Variants in NUP210L observed in about 807,000 individuals in gnomAD.
NUP210L encodes nuclear pore membrane glycoprotein 210-like.
A neutral mutation model predicts 208.5 loss-of-function variants in NUP210L; 74 were observed. That is an observed-to-expected ratio of 0.35 (90% confidence interval 0.29 to 0.43). NUP210L has a LOEUF of 0.43. NUP210L is among the 20% of genes least tolerant of loss of function. The pLI, the probability that NUP210L is intolerant of heterozygous loss-of-function variation, is 1.00. For synonymous variants in NUP210L, 780 were observed against 816.9 expected, an observed-to-expected ratio of 0.95 and a Z score of 0.77; for missense variants, 1,843 against 2,289.4, an observed-to-expected ratio of 0.81 and a Z score of 3.98.
At chr1:154,041,735 G>T (rs1652891445) in intron 27 of NUP210L, among the ~76,000 whole-genome samples, 1 of 152,118 alleles carries the variant, frequency 6.6e-6, no homozygotes. Flanking sequence ...GGATAGCGAG[G>T]ATTAGAACTT....
At chr1:154,016,982 A>G (rs1365926435) in intron 33 of NUP210L, among the ~76,000 whole-genome samples, 1 of 151,730 alleles carries the variant, frequency 6.6e-6, no homozygotes, top group Admixed American at 6.6e-5. Context: ...AAACAAAAAA[A>G]CACGCACAAA....
intron 24 of NUP210L, 53 bp downstream of exon 24, chr1:154,054,717 A>G: frequency 8.2e-7 from 1 of 1,220,470 alleles, no homozygotes; most frequent in South Asian, 1.2e-5. Flanking sequence ...TGTGAGAGAG[A>G]GAGAGAGGTA....
exon 32 of NUP210L, chr1:154,022,243 G>A: frequency 1.2e-6 from 2 of 1,614,122 alleles, no homozygotes; most frequent in Middle Eastern, 1.6e-4. Context: ...ATGCCTGGAT[G>A]TCTCCGGTCC....
intron 10 of NUP210L, among the ~76,000 whole-genome samples, chr1:154,126,000 C>G (rs971192886): frequency 3.1e-4 from 47 of 150,848 alleles, no homozygotes; most frequent in African/African-American, 9.5e-4. Context: ...GATCTCCTGA[C>G]CTCGTGATCC....
chr1:154,040,735 C>T (rs1446651936), intron 27 of NUP210L, among the ~76,000 whole-genome samples: 4 of 151,638 alleles, frequency 2.6e-5, no homozygotes, highest in Admixed American at 6.6e-5. Context: ...TACAGGCGCC[C>T]GCCACCATTC....
At chr1:154,058,130 C>T in exon 22 of NUP210L, 1 of 1,614,112 alleles carries the variant, frequency 6.2e-7, no homozygotes, top group Non-Finnish European at 8.5e-7. Context: ...GTTTGAGTTC[C>T]ATGTTTCTGA....
At chr1:154,120,647 A>G (rs1380354843) in intron 10 of NUP210L, among the ~76,000 whole-genome samples, 1 of 149,622 alleles carries the variant, frequency 6.7e-6, no homozygotes, top group Non-Finnish European at 1.5e-5. Flanking sequence ...AAAAAAAAAA[A>G]GAAATGCATT....
At chr1:154,011,490 G>C (rs1194437258) in intron 34 of NUP210L, among the ~76,000 whole-genome samples, 1 of 150,856 alleles carries the variant, frequency 6.6e-6, no homozygotes, top group East Asian at 1.9e-4. Flanking sequence ...CCAAAGTGCT[G>C]GGATTACAGG....
At chr1:154,124,409 G>T (rs919215935) in intron 10 of NUP210L, among the ~76,000 whole-genome samples, 1 of 152,078 alleles carries the variant, frequency 6.6e-6, no homozygotes, top group African/African-American at 2.4e-5. Flanking sequence ...GGTTTGGCAG[G>T]CTAGTAAAAA....
In NUP210L at chr1:154,132,151, T is replaced by C. The variant is rs143589172; in HGVS notation, c.1010-2806A>G. Among the ~76,000 whole-genome samples, 253 of 152,314 alleles carry C rather than the reference T, an allele frequency of 1.7e-3. 1 individual carries two copies. Among genetic ancestry groups the C allele is most frequent in the Middle Eastern group, 3.4e-3 (1 of 294 alleles). On this transcript the variant is annotated intron_variant, in intron 7 of 39. Transcript: ENST00000368559. ...ACATTTTAAGCATTCCTTCAGATCC[T>C]CCTCACACGTTCTCTTTTCCCATAC... is the stretch of plus-strand genomic sequence containing the variant.
intron 12 of NUP210L, among the ~76,000 whole-genome samples, chr1:154,107,002 G>A (rs1656795613): frequency 6.6e-6 from 1 of 152,060 alleles, no homozygotes; most frequent in Admixed American, 6.6e-5. Context: ...AGACCATACA[G>A]GAAAACATGG....
intron 16 of NUP210L, among the ~76,000 whole-genome samples, chr1:154,087,842 T>C (rs1655701806): frequency 6.6e-6 from 1 of 152,144 alleles, no homozygotes; most frequent in African/African-American, 2.4e-5. Flanking sequence ...AAAGGACACA[T>C]AATTGTATTA....
chr1:154,018,879 C>T (rs1038892722), intron 33 of NUP210L, 54 bp downstream of exon 33: 3 of 1,589,670 alleles, frequency 1.9e-6, no homozygotes, highest in Non-Finnish European at 2.6e-6. Flanking sequence ...TGCATATCCT[C>T]ATATGTGGCA....
intron 15 of NUP210L, among the ~76,000 whole-genome samples, chr1:154,091,977 C>A (rs1431424729): frequency 6.6e-6 from 1 of 151,768 alleles, no homozygotes; most frequent in Non-Finnish European, 1.5e-5. Flanking sequence ...TACATGATTC[C>A]ATTTATGTGA....
At chr1:154,087,909 G>A (rs1414867622) in intron 16 of NUP210L, among the ~76,000 whole-genome samples, 1 of 152,200 alleles carries the variant, frequency 6.6e-6, no homozygotes, top group African/African-American at 2.4e-5. Flanking sequence ...AAGTCTATCA[G>A]TGGGGTTGCC....
chr1:153,997,910 A>G (rs1293699799), intron 37 of NUP210L, among the ~76,000 whole-genome samples: 1 of 151,690 alleles, frequency 6.6e-6, no homozygotes, highest in Non-Finnish European at 1.5e-5. Flanking sequence ...GGGTTTCACC[A>G]TGTTGGCCAG....
At chr1:154,050,683 C>G (rs1653440582) in intron 25 of NUP210L, among the ~76,000 whole-genome samples, 1 of 152,154 alleles carries the variant, frequency 6.6e-6, no homozygotes, top group African/African-American at 2.4e-5. Flanking sequence ...AATAGTCTTT[C>G]TTGGCAAATC....
intron 2 of NUP210L, among the ~76,000 whole-genome samples, chr1:154,151,294 T>TTTTTTTTTTTTTTTTTTTTTTTTTTTG (rs1659368301): frequency 6.7e-6 from 1 of 148,632 alleles, no homozygotes; most frequent in African/African-American, 2.6e-5. Flanking sequence ...CATTGATTCT[T>TTTTTTTTTTTTTTTTTTTTTTTTTTTG]AGACACTCGT....
chr1:153,999,404 G>A (rs540802867), intron 37 of NUP210L, among the ~76,000 whole-genome samples: 1 of 152,270 alleles, frequency 6.6e-6, no homozygotes, highest in African/African-American at 2.4e-5. Context: ...ATTGCCTGAT[G>A]CAAAAAGATT....
Sources: allele counts gnomAD v4.1 joint callset (sites outside exome capture counted in the v4.1 genomes callset), GRCh38; gene constraint gnomAD v4.1.1; transcripts MANE v1.5; gene names NCBI Gene and HGNC (gene_info 2026-07-23, HGNC 2026-07-21).